The following GPR107 variants were observed in gnomAD, a reference collection of about 807,000 sequenced individuals.
The protein encoded by GPR107 is protein GPR107.
A neutral mutation model predicts 75.5 loss-of-function variants in GPR107; 31 were observed. The observed-to-expected ratio is 0.41, with a 90% CI of 0.31 to 0.55. The LOEUF is 0.55. Among genes scored for constraint, GPR107 ranks in the 20% least tolerant of loss-of-function variants. The probability of loss-of-function intolerance (pLI) is 0.26; values close to 1 mark genes in which losing one functional copy is unlikely to be tolerated. For missense variants in GPR107, 572 were observed against 665.7 expected (o/e 0.86, Z 1.55); for synonymous variants, 267 against 251.3 (o/e 1.06, Z -0.59).
intron 9 of GPR107, among the ~76,000 whole-genome samples, chr9:130,095,699 AAC>A (rs10581423): frequency 0.98 from 149,912 of 152,270 alleles, 73,809 homozygotes; most frequent in East Asian, 1. Flanking sequence ...AGACCGTGAT[AAC>A]ACAGTTTTCA....
chr9:130,085,754 A>ATTTTTTTTTGTTTTTTTTTTTTTTTT (rs1830598819), intron 6 of GPR107, among the ~76,000 whole-genome samples: 1 of 78,674 alleles, frequency 1.3e-5, no homozygotes, highest in African/African-American at 5.0e-5. Flanking sequence ...CAATATTTTG[A>ATTTTTTTTTGTTTTTTTTTTTTTTTT]TTTTTTTTTT....
intron 14 of GPR107, among the ~76,000 whole-genome samples, chr9:130,116,911 C>T (rs1831439015): frequency 6.6e-6 from 1 of 151,490 alleles, no homozygotes; most frequent in Non-Finnish European, 1.5e-5. Flanking sequence ...CTTTTCATAT[C>T]TCCTGGGTCA....
rs1158009036 is a variant in GPR107, at chr9:130,135,302, CTG to C, written c.*184_*185del. 4 of 483,708 alleles carry C rather than the reference CTG, an allele frequency of 8.3e-6. No individual in the cohort carries two copies. Among genetic ancestry groups the C allele is most frequent in the Non-Finnish European group, 1.5e-5 (4 of 274,980 alleles). 30.0% of individuals were successfully genotyped at this position (483,708 alleles called of 1,614,324 possible). A position where few individuals can be genotyped will look rare whatever the true frequency, so the allele number is the denominator to read the frequency against. ...TTGTACTCTCTTTTATGGAAACGAT[CTG>C]TGGCTGTTTAGAGGCAGCTGGATCC... On this transcript the variant is annotated 3_prime_UTR_variant, in exon 18 of 18. Coordinates refer to ENST00000347136, the MANE Select transcript of GPR107 (RefSeq NM_020960.5).
At chr9:130,087,890 A>G (rs529049943) in intron 7 of GPR107, among the ~76,000 whole-genome samples, 5 of 151,710 alleles carry the variant, frequency 3.3e-5, no homozygotes, top group Non-Finnish European at 7.4e-5. Context: ...ACAAATGCAT[A>G]TATACCCATG....
In GPR107 at chr9:130,062,420, G is replaced by GATGATAATA. The variant is rs748496680; in HGVS notation, c.141+8349_141+8350insGATAATAAT. On this transcript the variant is annotated intron_variant, in intron 1 of 17. Coordinates refer to ENST00000347136, the MANE Select transcript of GPR107 (RefSeq NM_020960.5). ...AAGAGCAAGACCCTGTCTCGAAAAT[G>GATGATAATA]ATAATAATAATAATAATAATAATAA... 2.0e-4 allele frequency among the ~76,000 whole-genome samples: 28 copies of GATGATAATA among 139,876 alleles called. No individual in the cohort carries two copies. The East Asian group carries it at 2.9e-3, about 15-fold the overall frequency. 91.8% of individuals were successfully genotyped at this position (139,876 alleles called of 152,430 possible).
intron 7 of GPR107, among the ~76,000 whole-genome samples, chr9:130,086,847 C>T (rs2159640): frequency 0.59 from 90,011 of 151,838 alleles, 26,696 homozygotes; most frequent in East Asian, 0.79. Flanking sequence ...TGATGATTTA[C>T]GGTGATGTTG....
chr9:130,114,029 C>CTTTTTTTTTTTTTTTTATTTTTTTTTTTA (rs1831363720), intron 14 of GPR107, among the ~76,000 whole-genome samples: 1 of 90,660 alleles, frequency 1.1e-5, no homozygotes, highest in Non-Finnish European at 2.0e-5. Context: ...TCTTCTCATT[C>CTTTTTTTTTTTTTTTTATTTTTTTTTTTA]TTTTTTTTTT....
chr9:130,086,624 A>G, intron 7 of GPR107, 148 bp downstream of exon 7: 2 of 630,348 alleles, frequency 3.2e-6, no homozygotes. Flanking sequence ...TCCTTATAAC[A>G]AGCCCACAAG....
chr9:130,137,572 T>C lies in GPR107; in HGVS notation c.*2451T>C, dbSNP rs1219565722. On this transcript the variant is annotated 3_prime_UTR_variant, in exon 18 of 18. Coordinates refer to ENST00000347136, the MANE Select transcript of GPR107 (RefSeq NM_020960.5). ...GAAAAGTCAAAACCCCAGCCCAAGA[T>C]TGGGAAAGCAGGTGGTGGTTCCAAG... is the stretch of plus-strand genomic sequence containing the variant. The C allele has an allele frequency of 6.6e-6, 1 of 152,210 alleles. No homozygotes were observed. Among genetic ancestry groups the C allele is most frequent in the African/African-American group, 2.4e-5 (1 of 41,434 alleles). The allele number at this position is 152,210 out of a possible 1,614,324, so 9.4% of individuals were successfully genotyped here.
chr9:130,097,155 C>CTTTTTTTTTTTTTTTTT (rs71387312), intron 9 of GPR107, among the ~76,000 whole-genome samples: 1 of 130,172 alleles, frequency 7.7e-6, no homozygotes, highest in Non-Finnish European at 1.6e-5. Flanking sequence ...TCTTTTTTTT[C>CTTTTTTTTTTTTTTTTT]TTTTTTTTTT....
chr9:130,117,980 G>C (rs973883709), intron 14 of GPR107, among the ~76,000 whole-genome samples: 1 of 152,202 alleles, frequency 6.6e-6, no homozygotes, highest in Non-Finnish European at 1.5e-5. Flanking sequence ...GTCCTGACCT[G>C]TGTCGTCCTA....
At chr9:130,061,550 G>T (rs1363514503) in intron 1 of GPR107, among the ~76,000 whole-genome samples, 1 of 152,136 alleles carries the variant, frequency 6.6e-6, no homozygotes, top group Non-Finnish European at 1.5e-5. Flanking sequence ...TAGGATGTGT[G>T]GATTTTATTC....
At chr9:130,084,642 G>A (rs1244892338) in intron 6 of GPR107, among the ~76,000 whole-genome samples, 2 of 152,018 alleles carry the variant, frequency 1.3e-5, no homozygotes, top group African/African-American at 2.4e-5. Context: ...CGGGCATGGT[G>A]GTATGCGCCT....
intron 17 of GPR107, among the ~76,000 whole-genome samples, chr9:130,134,304 G>A (rs1831899625): frequency 6.6e-6 from 1 of 152,184 alleles, no homozygotes; most frequent in Non-Finnish European, 1.5e-5. Context: ...CTAATGGAAA[G>A]GGCTGCCTTG....
chr9:130,087,378 T>TA (rs1830638821), intron 7 of GPR107, among the ~76,000 whole-genome samples: 1 of 151,786 alleles, frequency 6.6e-6, no homozygotes, highest in Non-Finnish European at 1.5e-5. Flanking sequence ...CATCTAAAAA[T>TA]AAAAAATGGC....
chr9:130,067,460 G>A (rs563306307), intron 1 of GPR107, among the ~76,000 whole-genome samples: 14 of 152,104 alleles, frequency 9.2e-5, no homozygotes, highest in Non-Finnish European at 2.1e-4. Flanking sequence ...ACCCAGGTTA[G>A]CGCACCTTCC....
chr9:130,093,532 G>A (rs1166543059), intron 9 of GPR107, among the ~76,000 whole-genome samples: 1 of 152,000 alleles, frequency 6.6e-6, no homozygotes, highest in East Asian at 1.9e-4. Flanking sequence ...GAACATGCTC[G>A]GAGTCTGGTA....
intron 1 of GPR107, among the ~76,000 whole-genome samples, chr9:130,072,749 C>T (rs954784684): frequency 9.2e-5 from 14 of 151,370 alleles, no homozygotes; most frequent in South Asian, 2.1e-4. Flanking sequence ...AGGTTGCAAT[C>T]GAAACATTTT....
intron 17 of GPR107, chr9:130,129,076 G>A (rs1831755838): frequency 5.0e-6 from 1 of 201,938 alleles, no homozygotes; most frequent in Non-Finnish European, 1.0e-5. Context: ...GGGAGAACAG[G>A]GGGCCGACTT....
Sources: allele counts gnomAD v4.1 joint callset (sites outside exome capture counted in the v4.1 genomes callset), GRCh38; gene constraint gnomAD v4.1.1; transcripts MANE v1.5; gene names NCBI Gene and HGNC (gene_info 2026-07-23, HGNC 2026-07-21).